Variants in RIF1 observed in about 807,000 individuals in gnomAD.
The protein encoded by RIF1 is replication timing regulatory factor 1.
Under a neutral mutation model 247.1 loss-of-function variants are expected in RIF1, and 45 were observed. The ratio of observed to expected loss-of-function variants is 0.18; its 90% confidence interval spans 0.14 to 0.23. The LOEUF (loss-of-function observed/expected upper bound fraction) is 0.23. RIF1 is among the 10% of genes least tolerant of loss of function. The probability of loss-of-function intolerance (pLI) is 1.00; values close to 1 mark genes in which losing one functional copy is unlikely to be tolerated. For synonymous variants in RIF1, 1,087 were observed against 978.8 expected (o/e 1.11, Z -2.06); for missense variants, 2,967 against 2,862.5 (o/e 1.04, Z -0.83).
chr2:151,447,082 C>T (rs980715228), intron 20 of RIF1, among the ~76,000 whole-genome samples: 9 of 151,546 alleles, frequency 5.9e-5, no homozygotes, highest in Non-Finnish European at 8.8e-5. Flanking sequence ...TAGCTGGGAC[C>T]ACAGGCGCCC....
downstream of RIF1, among the ~76,000 whole-genome samples, chr2:151,483,666 T>C (rs765342439): frequency 1.8e-4 from 28 of 151,874 alleles, no homozygotes; most frequent in Non-Finnish European, 3.5e-4. Context: ...CATTCTCCCA[T>C]ATACTTTAAA....
chr2:151,457,211 T>C (rs1465255095), intron 23 of RIF1, among the ~76,000 whole-genome samples: 1 of 152,064 alleles, frequency 6.6e-6, no homozygotes, highest in Non-Finnish European at 1.5e-5. Context: ...ACCCCTGCCC[T>C]CCTGGGCTCA....
chr2:151,411,531 T>G (rs1686228925), intron 3 of RIF1, among the ~76,000 whole-genome samples, 193 bp downstream of exon 3: 1 of 152,098 alleles, frequency 6.6e-6, no homozygotes, highest in African/African-American at 2.4e-5. Context: ...GCCTCCTGAA[T>G]AGCTGGGATT....
Position 151,440,540 on chromosome 2 carries a change from C to G in RIF1, c.1647+413C>G, listed in dbSNP as rs184279947. Among the ~76,000 whole-genome samples the G allele has an allele frequency of 3.4e-3, 521 of 151,060 alleles. 4 individuals carry two copies. The highest frequency in any genetic ancestry group is 0.03 in the South Asian group (142 of 4,802). ...TATTAAAACCCCTTTTTTTTTTAAA[C>G]CCGTGTAGTACAGGAAGAAAAGTGA... On this transcript the variant is annotated intron_variant, in intron 15 of 35. Transcript: ENST00000444746.
At chr2:151,444,345 T>C (rs1423782599) in intron 18 of RIF1, among the ~76,000 whole-genome samples, 2 of 152,240 alleles carry the variant, frequency 1.3e-5, no homozygotes, top group Non-Finnish European at 2.9e-5. Flanking sequence ...AATCTCACTC[T>C]GTCACCCAGG....
intron 20 of RIF1, 96 bp downstream of exon 20, chr2:151,446,671 C>A: frequency 1.7e-6 from 2 of 1,189,644 alleles, no homozygotes; most frequent in Non-Finnish European, 2.4e-6. Context: ...CCTATTACTG[C>A]CTCTATTTAT....
chr2:151,411,547 C>T (rs553443431), intron 3 of RIF1, among the ~76,000 whole-genome samples: 10 of 152,182 alleles, frequency 6.6e-5, no homozygotes, highest in South Asian at 2.1e-4. Context: ...GGATTATAGG[C>T]ATCCGCCACC....
At chr2:151,489,147 T>C (rs180861957) in intron 9 of RIF1, among the ~76,000 whole-genome samples, 17 of 152,344 alleles carry the variant, frequency 1.1e-4, no homozygotes, top group Middle Eastern at 6.8e-3. Flanking sequence ...TTAAATATAA[T>C]AGGTCTAACA....
At chr2:151,440,611 G>A (rs1015659101) in intron 15 of RIF1, among the ~76,000 whole-genome samples, 2 of 152,088 alleles carry the variant, frequency 1.3e-5, no homozygotes, top group Non-Finnish European at 2.9e-5. Flanking sequence ...ATAAGCTCCA[G>A]TGGAACAAAC....
intron 3 of RIF1, 116 bp downstream of exon 3, chr2:151,411,454 TGGCTCA>T (rs530181892): frequency 1.4e-5 from 9 of 628,686 alleles, no homozygotes; most frequent in Admixed American, 1.3e-4. Context: ...GAGAGTGCAA[TGGCTCA>T]GGCTCGGGCT....
chr2:151,473,936 G>GT (rs2048775750), intron 34 of RIF1, 28 bp from the exon 35 acceptor site: 4 of 1,196,610 alleles, frequency 3.3e-6, no homozygotes, highest in Non-Finnish European at 5.0e-6. Flanking sequence ...GTTGTTTTGC[G>GT]TTTTTTTCTG....
At chr2:151,533,896 G>A in the RIF1 span, among the ~76,000 whole-genome samples, 2 of 152,122 alleles carry the variant, frequency 1.3e-5, no homozygotes, top group African/African-American at 4.8e-5. Context: ...TTTTGTTGTT[G>A]TTTGTTTATT....
chr2:151,521,405 CAACAT>C, the RIF1 span, among the ~76,000 whole-genome samples: 2,129 of 152,282 alleles, frequency 0.014, 30 homozygotes, highest in Non-Finnish European at 0.019. Context: ...GTTTCACTCT[CAACAT>C]AAAGAAGTGG....
intron 9 of RIF1, among the ~76,000 whole-genome samples, chr2:151,487,737 TGTG>T (rs1353435313): frequency 6.6e-6 from 1 of 152,106 alleles, no homozygotes. Flanking sequence ...AAATGGCATG[TGTG>T]TTTAAACTTA....
In RIF1 at chr2:151,421,149, C is replaced by T. The variant is rs776483684; in HGVS notation, c.693+770C>T. ...GATATGTGCAGTGCATTGTTGCAGG[C>T]GCTGTGAATATAGCAGTGAACAAAA... is the stretch of plus-strand genomic sequence containing the variant. On this transcript the variant is annotated intron_variant, in intron 7 of 35. Coordinates refer to ENST00000444746, the MANE Select transcript of RIF1 (RefSeq NM_018151.5). 1.2e-4 allele frequency among the ~76,000 whole-genome samples: 18 copies of T among 152,242 alleles called. No individual in the cohort carries two copies. In the South Asian group the frequency reaches 1.5e-3, roughly 12 times the overall value.
intron 9 of RIF1, among the ~76,000 whole-genome samples, chr2:151,430,425 G>A (rs1319904854): frequency 2.0e-5 from 3 of 151,532 alleles, no homozygotes; most frequent in Admixed American, 6.6e-5. Context: ...AAGTTCAAGC[G>A]ATTCTCCTGC....
intron 3 of RIF1, among the ~76,000 whole-genome samples, chr2:151,412,050 A>G (rs77309549): frequency 0.033 from 4,980 of 152,238 alleles, 168 homozygotes; most frequent in East Asian, 0.19. Flanking sequence ...CTTTGGTCTA[A>G]TCTAGGTAGC....
intron 9 of RIF1, among the ~76,000 whole-genome samples, chr2:151,489,660 G>A (rs772913684): frequency 1.1e-4 from 17 of 152,084 alleles, no homozygotes; most frequent in Non-Finnish European, 2.2e-4. Flanking sequence ...GCGTCCCAAA[G>A]TGCTGGCATT....
intron 16 of RIF1, among the ~76,000 whole-genome samples, chr2:151,442,371 C>CA (rs1266835017): frequency 6.8e-6 from 1 of 146,218 alleles, no homozygotes; most frequent in Non-Finnish European, 1.5e-5. Flanking sequence ...CTGTGCCCAG[C>CA]ATATTTCCCT....
Sources: allele counts gnomAD v4.1 joint callset (sites outside exome capture counted in the v4.1 genomes callset), GRCh38; gene constraint gnomAD v4.1.1; transcripts MANE v1.5; gene names NCBI Gene and HGNC (gene_info 2026-07-23, HGNC 2026-07-21).